The following PPL variants were observed in gnomAD, a reference collection of about 807,000 sequenced individuals.
The protein encoded by PPL is 190 kDa paraneoplastic pemphigus antigen.
Under a neutral mutation model 194.4 loss-of-function variants are expected in PPL, and 198 were observed. That is an observed-to-expected ratio of 1.02 (90% CI 0.91 to 1.15). The LOEUF (loss-of-function observed/expected upper bound fraction) is 1.15, where lower values mean the gene tolerates loss of function less well. Ranked by LOEUF, PPL falls within the 50% of genes most tolerant of loss-of-function variation. The pLI is 0.00. For missense variants in PPL, 2,885 were observed against 2,294.8 expected (o/e 1.26, Z -5.25); for synonymous variants, 1,220 against 972.4 (o/e 1.25, Z -4.74).
At chr16:4,899,188 C>T (rs982668100) in intron 7 of PPL, 35 bp downstream of exon 7, 2 of 1,613,426 alleles carry the variant, frequency 1.2e-6, no homozygotes, top group Admixed American at 1.7e-5. Flanking sequence ...TCCAGGGCTG[C>T]CTCCTCCCTG....
At position 4,886,040 on chromosome 16, in the gene PPL, TC is replaced by T; in HGVS notation, c.2614del (p.Glu872LysfsTer2). 4 of 1,613,904 alleles carry T rather than the reference TC, an allele frequency of 2.5e-6. No homozygotes were observed. Among genetic ancestry groups the T allele is most frequent in the Non-Finnish European group, 3.4e-6 (4 of 1,180,024 alleles). On this transcript the variant is annotated frameshift_variant, in exon 22 of 22. Transcript: ENST00000345988. LOFTEE classifies it high-confidence loss of function. ...CAGGGTCTCATGGGTCACTTCTACT[TC>T]CGGCTGCTGTGATGGAGAAGACAAG... ...FALNLLRQQP[E>X]VEVTHETLQR...
At position 4,883,901 on chromosome 16, in the gene PPL, T is replaced by G. The variant is rs780990473; in HGVS notation, c.4754A>C (p.Glu1585Ala). 19 of 1,614,002 alleles carry G rather than the reference T, an allele frequency of 1.2e-5. No homozygotes were observed. The Admixed American group carries it at 3.2e-4, about 27-fold the overall frequency. Residue 1585 changes from glutamate (E) to alanine (A), a missense_variant, in exon 22 of 22, where the codon GAA becomes GCA. Glu to Ala is a moderately radical substitution (Grantham distance 107, BLOSUM62 -1). Transcript: ENST00000345988. This position sits in a 1 kb window ranked among gnomAD's most constrained non-coding sequence, Gnocchi z 4.8. ...LQLETRRLQS[E>A]INMAATETRD... ...TGTTTCCGTCGCTGCCATGTTGATTTCCGATTGGAGCCTTCGGGTCTCCAG... is the reference window on the plus strand; with the variant it reads ...TGTTTCCGTCGCTGCCATGTTGATTGCCGATTGGAGCCTTCGGGTCTCCAG...
intron 2 of PPL, among the ~76,000 whole-genome samples, chr16:4,907,016 G>A (rs554046880): frequency 1.3e-5 from 2 of 151,470 alleles, no homozygotes; most frequent in Admixed American, 6.6e-5. Context: ...AGGCCCAGGC[G>A]GGAGGATTGC....
intron 2 of PPL, among the ~76,000 whole-genome samples, chr16:4,905,678 C>G (rs62036154): frequency 6.6e-6 from 1 of 152,106 alleles, no homozygotes; most frequent in Non-Finnish European, 1.5e-5. Context: ...GTGCCTGGTA[C>G]GAAGTAAAGA....
chr16:4,924,816 C>G (rs557627203), intron 1 of PPL, among the ~76,000 whole-genome samples: 1 of 152,368 alleles, frequency 6.6e-6, no homozygotes, highest in Admixed American at 6.5e-5. Context: ...CACAGCCATC[C>G]CCTTCTCCAG....
intron 12 of PPL, 129 bp downstream of exon 12, chr16:4,894,338 G>A (rs2088377525): frequency 3.5e-6 from 4 of 1,153,228 alleles, no homozygotes; most frequent in Admixed American, 2.6e-5. Flanking sequence ...CCAAGGGGGT[G>A]CAGATGGAGA....
At chr16:4,907,079 T>TAAAAAA (rs57847738) in intron 2 of PPL, among the ~76,000 whole-genome samples, 5 of 76,988 alleles carry the variant, frequency 6.5e-5, no homozygotes, top group Admixed American at 1.9e-4. Context: ...ACCCTATCTC[T>TAAAAAA]AAAAAAAAAA....
rs528644709 is a variant in PPL at position 4,917,424 on chromosome 16, C to G, written c.63-6475G>C. Among the ~76,000 whole-genome samples the G allele has an allele frequency of 1.9e-4, 29 of 152,244 alleles. 1 individual carries two copies. In the South Asian group the frequency reaches 5.6e-3, roughly 29 times the overall value. On this transcript the variant is annotated intron_variant, in intron 1 of 21. Coordinates refer to ENST00000345988, the MANE Select transcript of PPL (RefSeq NM_002705.5). ...CAGACACAAAAGCTCACATATTATT[C>G]CATTGATAAGAAACGTCCAGAATGC...
In PPL at chr16:4,892,290, C is replaced by A. The variant is rs1007513758; in HGVS notation, c.1651-77G>T. The A allele has an allele frequency of 8.2e-6, 12 of 1,459,682 alleles. No individual in the cohort carries two copies. In the East Asian group the frequency reaches 2.6e-4, roughly 31 times the overall value. 90.4% of individuals were successfully genotyped at this position (1,459,682 alleles called of 1,614,324 possible). A position where few individuals can be genotyped will look rare whatever the true frequency, so the allele number is the denominator to read the frequency against. On this transcript the variant is annotated intron_variant, in intron 14 of 21. Transcript: ENST00000345988. Reference sequence around the variant, plus strand: ...CCTGAGGATGTGCCCAGGGTGAGCACAGATTCCCACATCAGGCACAGTGGA... The same window carrying A: ...CCTGAGGATGTGCCCAGGGTGAGCAAAGATTCCCACATCAGGCACAGTGGA...
chr16:4,902,750 C>T lies in PPL; in HGVS notation c.318-224G>A, dbSNP rs1337147167. On this transcript the variant is annotated intron_variant, in intron 3 of 21. Transcript: ENST00000345988. This position sits in a 1 kb window ranked among gnomAD's most constrained non-coding sequence, Gnocchi z 4.0. ...TGTCACCCAGGCTGGAGTACAGTGACGTCATCTCAGCTCATGGCAGCCTCC... is the reference window on the plus strand; with the variant it reads ...TGTCACCCAGGCTGGAGTACAGTGATGTCATCTCAGCTCATGGCAGCCTCC... Among the ~76,000 whole-genome samples the T allele has an allele frequency of 1.3e-5, 2 of 151,288 alleles. No homozygotes were observed. Among genetic ancestry groups the T allele is most frequent in the African/African-American group, 4.9e-5 (2 of 41,140 alleles).
chr16:4,931,991 G>C (rs1411667169), intron 1 of PPL, among the ~76,000 whole-genome samples: 1 of 152,184 alleles, frequency 6.6e-6, no homozygotes, highest in East Asian at 1.9e-4. Context: ...GCTGGGGGTA[G>C]AGGCAGTGAG....
chr16:4,889,058 G>C lies in PPL; in HGVS notation c.2317C>G (p.Leu773Val), dbSNP rs1199992412. The C allele has an allele frequency of 6.2e-7, 1 of 1,612,908 alleles. No homozygotes were observed. The highest frequency in any genetic ancestry group is 8.5e-7 in the Non-Finnish European group (1 of 1,179,292). Residue 773 changes from leucine to valine, a missense_variant, in exon 19 of 22, where the codon CTG (leucine) becomes GTG (valine). By Grantham distance (32) the Leu-to-Val change is conservative. Coordinates refer to ENST00000345988, the MANE Select transcript of PPL (RefSeq NM_002705.5). ...TCCCTACTTGCTATCTCATCTAGCA[G>C]GTTCTGTAAGACAGAGTTTAAAAAT... ...METKLKNQKN[L>V]LDEIASREQE... is the part of the protein sequence containing the mutation.
chr16:4,895,419 G>T lies in PPL; in HGVS notation c.1096-12C>A. 1 of 1,611,614 alleles carries T rather than the reference G, an allele frequency of 6.2e-7. No individual in the cohort carries two copies. Among genetic ancestry groups the T allele is most frequent in the Non-Finnish European group, 8.5e-7 (1 of 1,179,178 alleles). ...ACCTTCTCCTGGTCCTGGAGAGAAC[G>T]GGGTCAGGGGCCCAGGTGAGACCAA... On this transcript the variant is annotated splice_polypyrimidine_tract_variant and intron_variant, in intron 10 of 21. Coordinates refer to ENST00000345988, the MANE Select transcript of PPL (RefSeq NM_002705.5).
Position 4,882,909 on chromosome 16 carries a change from A to C in PPL, c.*475T>G. The C allele has an allele frequency of 1.1e-5, 2 of 175,068 alleles. No individual in the cohort carries two copies. The highest frequency in any genetic ancestry group is 1.8e-4 in the East Asian group (1 of 5,536). The allele number at this position is 175,068 out of a possible 1,614,324, so 10.8% of individuals were successfully genotyped here. On this transcript the variant is annotated 3_prime_UTR_variant, in exon 22 of 22. Transcript: ENST00000345988. ...TACTGAGGAGGCTTCTCGGATGGAA[A>C]GTTGGTTTTAAGCCAGAAATCTGGA...
chr16:4,898,699 C>T (rs923257792), intron 8 of PPL, among the ~76,000 whole-genome samples: 1 of 152,304 alleles, frequency 6.6e-6, no homozygotes, highest in South Asian at 2.1e-4. Context: ...GACTTACAGC[C>T]CACAGACCTC....
chr16:4,885,792 G>A lies in PPL; in HGVS notation c.2863C>T (p.Arg955Trp), dbSNP rs759068790. 5.0e-6 allele frequency: 8 copies of A among 1,609,318 alleles called. No homozygotes were observed. Among genetic ancestry groups the A allele is most frequent in the East Asian group, 2.2e-5 (1 of 44,860 alleles). The change falls in exon 22 of 22, where the codon CGG (arginine) becomes TGG (tryptophan). Residue 955 changes from arginine (R) to tryptophan (W), a missense_variant. Transcript: ENST00000345988. This position sits in a 1 kb window ranked among gnomAD's most constrained non-coding sequence, Gnocchi z 6.3. ...VLEESFQQLQRTLAEEQHKNQ... is the reference protein window; with the variant it reads ...VLEESFQQLQWTLAEEQHKNQ... Reference sequence around the variant, plus strand: ...TTGTGCTGCTCCTCTGCCAGCGTCCGCTGCAGCTGCTGGAAGCTCTCCTCC... The same window carrying A: ...TTGTGCTGCTCCTCTGCCAGCGTCCACTGCAGCTGCTGGAAGCTCTCCTCC...
Position 4,899,255 on chromosome 16 carries a change from G to C in PPL, c.736C>G (p.Leu246Val). ...TGGCGCCGGCGGCTGGGGTAGTCGA[G>C]GTTGCGGTCACTCCAGTCGTACTGC... ...RMQYDWSDRN[L>V]DYPSRRRQYE... Residue 246 changes from leucine (L) to valine (V), a missense_variant, in exon 7 of 22, where the codon CTC becomes GTC. Transcript: ENST00000345988. 2 of 1,613,942 alleles carry C rather than the reference G, an allele frequency of 1.2e-6. No homozygotes were observed. The highest frequency in any genetic ancestry group is 2.2e-5 in the South Asian group (2 of 91,084).
chr16:4,895,207 A>C, intron 11 of PPL, 54 bp downstream of exon 11: 4 of 1,523,838 alleles, frequency 2.6e-6, no homozygotes, highest in Non-Finnish European at 3.5e-6. Context: ...GGATCCAACC[A>C]TGTTACCCCA....
intron 1 of PPL, among the ~76,000 whole-genome samples, chr16:4,917,046 C>G (rs1012899166): frequency 6.6e-6 from 1 of 151,994 alleles, no homozygotes; most frequent in Non-Finnish European, 1.5e-5. Flanking sequence ...ACAAGAGAAT[C>G]GCTTGAACCT....
Sources: gnomAD v4.1 joint callset for allele counts (sites outside exome capture counted in the v4.1 genomes callset) on GRCh38, gnomAD v4.1.1 for gene constraint, Gnocchi (gnomAD v3.1) non-coding constraint, MANE v1.5 for transcripts, NCBI Gene and HGNC (gene_info 2026-07-23, HGNC 2026-07-21) for gene names.